Variants in SLC4A4 observed in about 807,000 individuals in gnomAD.
The protein encoded by SLC4A4 is electrogenic sodium bicarbonate cotransporter 1.
Under a neutral mutation model 111.5 loss-of-function variants are expected in SLC4A4, and 27 were observed. The observed-to-expected ratio is 0.24, with a 90% CI of 0.18 to 0.33. The LOEUF (loss-of-function observed/expected upper bound fraction) is 0.33. Ranked by LOEUF, SLC4A4 falls within the 10% of genes least tolerant of loss-of-function variation. SLC4A4 has a pLI of 1.00. For synonymous variants in SLC4A4, 443 were observed against 463.4 expected, an observed-to-expected ratio of 0.96 and a Z score of 0.57; for missense variants, 909 against 1,315.5, an observed-to-expected ratio of 0.69 and a Z score of 4.78.
chr4:71,223,465 C>T (rs920855172), intron 1 of SLC4A4, among the ~76,000 whole-genome samples: 13 of 152,118 alleles, frequency 8.5e-5, no homozygotes, highest in Middle Eastern at 3.2e-3. Context: ...GCCCGGCCTG[C>T]ACTGACATTC....
chr4:71,461,305 A>T (rs965238496), intron 12 of SLC4A4, among the ~76,000 whole-genome samples: 45 of 151,984 alleles, frequency 3.0e-4, no homozygotes, highest in African/African-American at 8.0e-4. Flanking sequence ...AAAATAGAAA[A>T]TTTTTTGTTT....
intron 3 of SLC4A4, among the ~76,000 whole-genome samples, chr4:71,274,443 G>A (rs1195431356): frequency 2.0e-5 from 3 of 152,124 alleles, no homozygotes; most frequent in East Asian, 1.9e-4. Flanking sequence ...TATAAACTAG[G>A]TACTGAGTTC....
intron 1 of SLC4A4, chr4:71,233,288 C>T (rs900850296): frequency 1.1e-5 from 11 of 985,204 alleles, no homozygotes; most frequent in Admixed American, 1.2e-4. Flanking sequence ...CTGAATGCCT[C>T]CTCTGTGTCT....
At chr4:71,180,535 G>C (rs1745254944) in intron 2 of SLC4A4, among the ~76,000 whole-genome samples, 1 of 152,046 alleles carries the variant, frequency 6.6e-6, no homozygotes, top group African/African-American at 2.4e-5. Context: ...TCAAAAAGTG[G>C]GCAAAGGATA....
intron 17 of SLC4A4, 73 bp downstream of exon 17, chr4:71,532,248 G>A (rs1399008723): frequency 4.5e-6 from 4 of 892,240 alleles, no homozygotes; most frequent in Non-Finnish European, 7.6e-6. Context: ...AATTTATTGT[G>A]TTTCTCTTTG....
At chr4:71,439,425 G>A (rs1577906278) in intron 7 of SLC4A4, among the ~76,000 whole-genome samples, 1 of 85,938 alleles carries the variant, frequency 1.2e-5, no homozygotes, top group South Asian at 4.5e-4. Context: ...AACAGAGCAA[G>A]ACTCTGTCTC....
chr4:71,316,759 A>G (rs972295926), intron 3 of SLC4A4, among the ~76,000 whole-genome samples: 1 of 151,972 alleles, frequency 6.6e-6, no homozygotes, highest in Non-Finnish European at 1.5e-5. Context: ...TGTGTTCCAC[A>G]TGTTCTCATT....
intron 3 of SLC4A4, among the ~76,000 whole-genome samples, chr4:71,295,237 T>C (rs1724692226): frequency 6.6e-6 from 1 of 152,200 alleles, no homozygotes; most frequent in Non-Finnish European, 1.5e-5. Context: ...TTTCCCATGA[T>C]ACTCTAACTC....
chr4:71,441,125 G>A (rs911163632), intron 8 of SLC4A4, among the ~76,000 whole-genome samples: 1 of 152,068 alleles, frequency 6.6e-6, no homozygotes, highest in African/African-American at 2.4e-5. Flanking sequence ...GTTAGTAAAT[G>A]GTTCAGAGGT....
At chr4:71,128,907 AC>A (rs1342673768) in intron 2 of SLC4A4, among the ~76,000 whole-genome samples, 2 of 152,052 alleles carry the variant, frequency 1.3e-5, no homozygotes, top group Non-Finnish European at 2.9e-5. Flanking sequence ...AGTAAATCCT[AC>A]CCTAACTTTC....
chr4:71,065,999 A>T (rs1741508285), intron 1 of SLC4A4, among the ~76,000 whole-genome samples: 1 of 152,198 alleles, frequency 6.6e-6, no homozygotes, highest in African/African-American at 2.4e-5. Context: ...CAGTACAATA[A>T]ATATCTAACA....
At chr4:71,209,179 A>C (rs900673630) in intron 1 of SLC4A4, among the ~76,000 whole-genome samples, 4 of 152,220 alleles carry the variant, frequency 2.6e-5, no homozygotes, top group Admixed American at 2.6e-4. Context: ...ATAATATGCA[A>C]ATCAAAAGGA....
chr4:71,429,642 C>G (rs1218304766), intron 7 of SLC4A4, among the ~76,000 whole-genome samples: 1 of 152,092 alleles, frequency 6.6e-6, no homozygotes, highest in Non-Finnish European at 1.5e-5. Context: ...TGTAGTACCA[C>G]AAGGCAGCCA....
intron 6 of SLC4A4, among the ~76,000 whole-genome samples, chr4:71,385,633 G>A (rs1297890322): frequency 6.6e-6 from 1 of 152,078 alleles, no homozygotes; most frequent in African/African-American, 2.4e-5. Context: ...GCTGTGTAAT[G>A]AACTGTAAGT....
At chr4:71,077,797 C>A (rs1741882543) in intron 1 of SLC4A4, among the ~76,000 whole-genome samples, 1 of 152,128 alleles carries the variant, frequency 6.6e-6, no homozygotes, top group African/African-American at 2.4e-5. Flanking sequence ...TATGGATCAC[C>A]CTATTTCTAT....
chr4:71,175,788 T>C (rs923283164), intron 2 of SLC4A4, among the ~76,000 whole-genome samples: 15 of 152,196 alleles, frequency 9.9e-5, no homozygotes, highest in Non-Finnish European at 1.5e-4. Flanking sequence ...CAGAATCCTC[T>C]GCAGACTTAA....
intron 1 of SLC4A4, among the ~76,000 whole-genome samples, chr4:71,085,022 C>T (rs1335677276): frequency 6.6e-6 from 1 of 152,104 alleles, no homozygotes; most frequent in Non-Finnish European, 1.5e-5. Context: ...GTCCCACCAA[C>T]AGTGTAAAAG....
chr4:71,548,790 C>T (rs904008525), intron 20 of SLC4A4, among the ~76,000 whole-genome samples: 1 of 151,894 alleles, frequency 6.6e-6, no homozygotes, highest in Admixed American at 6.6e-5. Flanking sequence ...CAAAAGCCCT[C>T]TGTTCATCTA....
rs546408414 is a variant in SLC4A4 at position 71,468,366 on chromosome 4, C to A, written c.1631+1789C>A. Among the ~76,000 whole-genome samples the A allele has an allele frequency of 1.1e-4, 17 of 152,122 alleles. No individual in the cohort carries two copies. In the South Asian group the frequency reaches 3.5e-3, roughly 32 times the overall value. ...TTTATTGGATGAAATGTGATCAGAGCCTTAATCTACAGAAAATGTTTGCAT... is the reference window on the plus strand; with the variant it reads ...TTTATTGGATGAAATGTGATCAGAGACTTAATCTACAGAAAATGTTTGCAT... On this transcript the variant is annotated intron_variant, in intron 13 of 25. Coordinates refer to ENST00000264485, the MANE Select transcript of SLC4A4 (RefSeq NM_001098484.3).
Sources: allele counts gnomAD v4.1 joint callset (sites outside exome capture counted in the v4.1 genomes callset), GRCh38; gene constraint gnomAD v4.1.1; transcripts MANE v1.5; gene names NCBI Gene and HGNC (gene_info 2026-07-23, HGNC 2026-07-21).